ZYG11B: variants seen among roughly 807,000 people sequenced by gnomAD.
ZYG11B encodes the protein zyg-11 family member B, cell cycle regulator, also known as protein zyg-11 homolog B.
Under a neutral mutation model 82.4 loss-of-function variants are expected in ZYG11B, and 36 were observed. That is an observed-to-expected ratio of 0.44 (90% CI 0.33 to 0.58). The LOEUF is 0.58. ZYG11B is among the 20% of genes least tolerant of loss of function. The pLI, the probability that ZYG11B is intolerant of heterozygous loss-of-function variation, is 0.02. For missense variants in ZYG11B, 552 were observed against 895.6 expected, an observed-to-expected ratio of 0.62 and a Z score of 4.90; for synonymous variants, 303 against 312.8, an observed-to-expected ratio of 0.97 and a Z score of 0.33.
chr1:52,813,484 C>G, intron 10 of ZYG11B, 52 bp from the exon 11 acceptor site: 2 of 1,385,682 alleles, frequency 1.4e-6, no homozygotes, highest in Non-Finnish European at 2.0e-6. Flanking sequence ...GTTATCTTAA[C>G]CATTTACTAT....
chr1:52,816,452 G>T, intron 12 of ZYG11B, 80 bp from the exon 13 acceptor site: 1 of 962,652 alleles, frequency 1.0e-6, no homozygotes, highest in South Asian at 1.4e-5. Flanking sequence ...TTTTGAAAAT[G>T]AAAAGTTTAG....
intron 5 of ZYG11B, among the ~76,000 whole-genome samples, chr1:52,786,373 A>G (rs924515767): frequency 1.3e-5 from 2 of 152,224 alleles, no homozygotes; most frequent in African/African-American, 4.8e-5. Flanking sequence ...ACTAAAATCC[A>G]TCAAATTGTA....
Position 52,771,923 on chromosome 1 carries a change from C to A in ZYG11B, c.951+149C>A. On this transcript the variant is annotated intron_variant, in intron 3 of 13. Coordinates refer to ENST00000294353, the MANE Select transcript of ZYG11B (RefSeq NM_024646.3). This position sits in a 1 kb window ranked among gnomAD's most constrained non-coding sequence, Gnocchi z 5.4. ...AAAGGCTTAGAGTCCTAATTAAAATCTCAGCTTCATGACCCAGAACAAGCT... is the reference window on the plus strand; with the variant it reads ...AAAGGCTTAGAGTCCTAATTAAAATATCAGCTTCATGACCCAGAACAAGCT... 1 of 982,460 alleles carries A rather than the reference C, an allele frequency of 1.0e-6. No individual in the cohort carries two copies. The allele number at this position is 982,460 out of a possible 1,614,324, so 60.9% of individuals were successfully genotyped here. A position where few individuals can be genotyped will look rare whatever the true frequency, so the allele number is the denominator to read the frequency against.
Position 52,763,408 on chromosome 1 carries a change from T to G in ZYG11B, c.196+6785T>G, listed in dbSNP as rs140454404. Reference sequence around the variant, plus strand: ...GTAGTATGTATAAAAGCAGTTTCTTTTAGAATTATTTTTTATTTTAAGAGG... The same window carrying G: ...GTAGTATGTATAAAAGCAGTTTCTTGTAGAATTATTTTTTATTTTAAGAGG... On this transcript the variant is annotated intron_variant, in intron 2 of 13. Coordinates refer to ENST00000294353, the MANE Select transcript of ZYG11B (RefSeq NM_024646.3). 4.8e-4 allele frequency among the ~76,000 whole-genome samples: 73 copies of G among 152,308 alleles called. No individual in the cohort carries two copies. The East Asian group carries it at 0.014, about 29-fold the overall frequency.
chr1:52,744,754 A>G lies in ZYG11B; in HGVS notation c.31-11704A>G, dbSNP rs369687116. ...CTACTCAGGAGGCTGAGGCAGGAGAATCTCTTGAACCCGGGAGGCGGAGGA... is the reference window on the plus strand; with the variant it reads ...CTACTCAGGAGGCTGAGGCAGGAGAGTCTCTTGAACCCGGGAGGCGGAGGA... On this transcript the variant is annotated intron_variant, in intron 1 of 13. Coordinates refer to ENST00000294353, the MANE Select transcript of ZYG11B (RefSeq NM_024646.3). Among the ~76,000 whole-genome samples the G allele has an allele frequency of 3.9e-5, 6 of 152,272 alleles. No individual in the cohort carries two copies. In the East Asian group the frequency reaches 7.7e-4, roughly 20 times the overall value.
At chr1:52,811,701 ATACT>A (rs1264308697) in intron 10 of ZYG11B, among the ~76,000 whole-genome samples, 2 of 151,568 alleles carry the variant, frequency 1.3e-5, no homozygotes, top group East Asian at 3.9e-4. Context: ...TGCTTTTCAG[ATACT>A]TAGTTTTGTT....
rs535033291 is a variant in ZYG11B, at chr1:52,752,504, C to A, written c.31-3954C>A. Among the ~76,000 whole-genome samples, 19 of 152,312 alleles carry A rather than the reference C, an allele frequency of 1.2e-4. No individual in the cohort carries two copies. In the South Asian group the frequency reaches 2.9e-3, roughly 23 times the overall value. ...CCATTGGTTATTAACAACTTTGAGT[C>A]CCTCTCCCCTCCCTGGAAGTTAATG... On this transcript the variant is annotated intron_variant, in intron 1 of 13. Transcript: ENST00000294353.
intron 1 of ZYG11B, among the ~76,000 whole-genome samples, chr1:52,755,654 G>A (rs553772615): frequency 3.7e-4 from 56 of 151,668 alleles, no homozygotes; most frequent in African/African-American, 1.2e-3. Flanking sequence ...GGCATGTGCC[G>A]CCACACCTGG....
intron 2 of ZYG11B, among the ~76,000 whole-genome samples, chr1:52,769,854 A>G (rs1243357062): frequency 1.3e-5 from 2 of 152,010 alleles, no homozygotes; most frequent in African/African-American, 4.8e-5. Context: ...ACCCCATACT[A>G]TTCTTAGACT....
chr1:52,765,409 T>C (rs1644673737), intron 2 of ZYG11B, among the ~76,000 whole-genome samples: 1 of 152,028 alleles, frequency 6.6e-6, no homozygotes, highest in Non-Finnish European at 1.5e-5. Flanking sequence ...TCTTTCTATG[T>C]TGTGCAGGCT....
rs150639980 is a variant in ZYG11B, at chr1:52,732,253, A to G, written c.30+5570A>G. On this transcript the variant is annotated intron_variant, in intron 1 of 13. Transcript: ENST00000294353. ...CCTTCCAAGCTTATGCTTTTGAACC[A>G]TAAGTCTGAGCAGTCTCAGGCCAGT... 6.0e-4 allele frequency among the ~76,000 whole-genome samples: 92 copies of G among 152,368 alleles called. 1 individual carries two copies. In the East Asian group the frequency reaches 0.013, roughly 21 times the overall value.
At chr1:52,742,841 CA>C (rs746756692) in intron 1 of ZYG11B, among the ~76,000 whole-genome samples, 18,909 of 100,018 alleles carry the variant, frequency 0.19, 2,998 homozygotes, top group African/African-American at 0.44. Context: ...GCCTCCGTCT[CA>C]AAAAAAAAAA....
intron 1 of ZYG11B, among the ~76,000 whole-genome samples, chr1:52,747,989 A>C (rs1644490513): frequency 6.6e-6 from 1 of 152,224 alleles, no homozygotes; most frequent in Non-Finnish European, 1.5e-5. Flanking sequence ...AGCACTTAGC[A>C]TAGTTAGTAG....
At position 52,823,282 on chromosome 1, in the gene ZYG11B, G is replaced by A. The variant is rs942522778; in HGVS notation, c.*1653G>A. ...TAGCCTGGGCAACATAGTGAGACTC[G>A]GTCTCTACCAAAAAAAAAAATTTTT... On this transcript the variant is annotated 3_prime_UTR_variant, in exon 14 of 14. Transcript: ENST00000294353. 2.0e-5 allele frequency: 3 copies of A among 151,644 alleles called. No homozygotes were observed. The highest frequency in any genetic ancestry group is 1.9e-4 in the East Asian group (1 of 5,166). The allele number at this position is 151,644 out of a possible 1,614,324, so 9.4% of individuals were successfully genotyped here. A position where few individuals can be genotyped will look rare whatever the true frequency, so the allele number is the denominator to read the frequency against.
intron 3 of ZYG11B, among the ~76,000 whole-genome samples, chr1:52,775,519 C>T (rs1439151114): frequency 6.6e-6 from 1 of 151,688 alleles, no homozygotes; most frequent in African/African-American, 2.4e-5. Flanking sequence ...GGTGAAACCC[C>T]GTCTCTACTA....
Position 52,801,733 on chromosome 1 carries a change from T to A in ZYG11B, c.1486-86T>A, listed in dbSNP as rs1316951467. The A allele has an allele frequency of 1.2e-5, 14 of 1,124,582 alleles. No homozygotes were observed. In the East Asian group the frequency reaches 3.5e-4, roughly 28 times the overall value. 69.7% of individuals were successfully genotyped at this position (1,124,582 alleles called of 1,614,324 possible). On this transcript the variant is annotated intron_variant, in intron 8 of 13. Coordinates refer to ENST00000294353, the MANE Select transcript of ZYG11B (RefSeq NM_024646.3). ...GAAATGCTTTAAGCCATGAGACTAA[T>A]CCTCATGGACTTGGGGTTATTAATC...
At chr1:52,738,461 A>C (rs557394278) in intron 1 of ZYG11B, among the ~76,000 whole-genome samples, 2 of 151,652 alleles carry the variant, frequency 1.3e-5, no homozygotes, top group African/African-American at 4.8e-5. Flanking sequence ...GATTACAGGC[A>C]TGAGCCACTA....
chr1:52,755,466 G>T (rs1318431159), intron 1 of ZYG11B, among the ~76,000 whole-genome samples: 1 of 152,072 alleles, frequency 6.6e-6, no homozygotes, highest in Non-Finnish European at 1.5e-5. Context: ...TATTCTAGGT[G>T]TTGCATTTCC....
At position 52,742,199 on chromosome 1, in the gene ZYG11B, T is replaced by C. The variant is rs531592296; in HGVS notation, c.31-14259T>C. On this transcript the variant is annotated intron_variant, in intron 1 of 13. Transcript: ENST00000294353. ...GAGACCAGGCATGGTGACTCACGCC[T>C]ATTACCCCAGCACTTTGGAGGCTGA... is the stretch of plus-strand genomic sequence containing the variant. Among the ~76,000 whole-genome samples, 140 of 152,286 alleles carry C rather than the reference T, an allele frequency of 9.2e-4. 2 individuals carry two copies. Among genetic ancestry groups the C allele is most frequent in the Admixed American group, 9.0e-3 (138 of 15,276 alleles).
Sources: gnomAD v4.1 joint callset for allele counts (sites outside exome capture counted in the v4.1 genomes callset) on GRCh38, gnomAD v4.1.1 for gene constraint, Gnocchi (gnomAD v3.1) non-coding constraint, MANE v1.5 for transcripts, NCBI Gene and HGNC (gene_info 2026-07-23, HGNC 2026-07-21) for gene names.